Variants in TENM2 observed in about 807,000 individuals in gnomAD.
TENM2 encodes teneurin-2.
A neutral mutation model predicts 245.2 loss-of-function variants in TENM2; 52 were observed. That is an observed-to-expected ratio of 0.21 (90% CI 0.17 to 0.27). The LOEUF (loss-of-function observed/expected upper bound fraction) is 0.27. Among genes scored for constraint, TENM2 ranks in the 10% least tolerant of loss-of-function variants. The pLI, the probability that TENM2 is intolerant of heterozygous loss-of-function variation, is 1.00. For missense variants in TENM2, 3,046 were observed against 3,666.8 expected, an observed-to-expected ratio of 0.83 and a Z score of 4.37; for synonymous variants, 1,363 against 1,438.9, an observed-to-expected ratio of 0.95 and a Z score of 1.19.
intron 12 of TENM2, among the ~76,000 whole-genome samples, chr5:168,149,123 G>T (rs931787676): frequency 6.6e-6 from 1 of 152,104 alleles, no homozygotes; most frequent in Non-Finnish European, 1.5e-5. Flanking sequence ...GTCTGGAGTC[G>T]CTGTGTTAAG....
the TENM2 span, among the ~76,000 whole-genome samples, chr5:167,211,672 A>C: frequency 3.9e-5 from 6 of 152,162 alleles, no homozygotes; most frequent in Non-Finnish European, 5.9e-5. Context: ...GTGTTCCCCT[A>C]TATTTAGTAG....
At chr5:167,940,081 C>T (rs1266776609) in intron 3 of TENM2, among the ~76,000 whole-genome samples, 1 of 152,068 alleles carries the variant, frequency 6.6e-6, no homozygotes, top group Non-Finnish European at 1.5e-5. Flanking sequence ...CTACAGTTTG[C>T]ATGAGATAGA....
At chr5:167,021,864 C>T in the TENM2 span, among the ~76,000 whole-genome samples, 3 of 152,166 alleles carry the variant, frequency 2.0e-5, no homozygotes, top group Non-Finnish European at 4.4e-5. Flanking sequence ...TGCCTCAGTA[C>T]TCCATCTAGA....
At chr5:167,296,459 A>T (rs1339571100) in intron 1 of TENM2, 1 of 152,194 alleles carries the variant, frequency 6.6e-6, no homozygotes, top group South Asian at 2.1e-4. Context: ...TTTAGAGAGT[A>T]GTTCCAGCGA....
At chr5:167,254,757 C>CT in the TENM2 span, among the ~76,000 whole-genome samples, 8 of 151,996 alleles carry the variant, frequency 5.3e-5, no homozygotes, top group Admixed American at 6.6e-5. Flanking sequence ...CAGGGAAGGT[C>CT]TTTTTGTATA....
chr5:167,196,526 A>G, the TENM2 span, among the ~76,000 whole-genome samples: 9 of 138,164 alleles, frequency 6.5e-5, no homozygotes, highest in South Asian at 2.1e-4. Context: ...GTATATATAT[A>G]TGTGTGTGTA....
intron 3 of TENM2, chr5:167,938,638 G>A (rs547510489): frequency 1.2e-4 from 18 of 152,274 alleles, no homozygotes; most frequent in Admixed American, 1.0e-3. Flanking sequence ...ATTGCTGAAT[G>A]AAGGAACATG....
chr5:167,579,375 A>G (rs1002418596), intron 2 of TENM2, among the ~76,000 whole-genome samples: 1 of 152,194 alleles, frequency 6.6e-6, no homozygotes, highest in Non-Finnish European at 1.5e-5. Context: ...TCCATAACAT[A>G]CACATTTTTA....
the TENM2 span, among the ~76,000 whole-genome samples, chr5:167,122,365 A>C: frequency 6.6e-6 from 1 of 152,160 alleles, no homozygotes; most frequent in East Asian, 1.9e-4. Context: ...ACAGTAGCCA[A>C]GTTGCAGGCT....
the TENM2 span, among the ~76,000 whole-genome samples, chr5:167,170,740 C>G: frequency 1.3e-5 from 2 of 152,036 alleles, no homozygotes; most frequent in Non-Finnish European, 2.9e-5. Context: ...CTTTTGTTTC[C>G]AAACACTTCA....
chr5:167,277,197 A>G, the TENM2 span, among the ~76,000 whole-genome samples: 1 of 150,720 alleles, frequency 6.6e-6, no homozygotes, highest in Admixed American at 6.7e-5. Flanking sequence ...TTGAAATGGG[A>G]GCTTATATTA....
chr5:168,228,030 A>G lies in TENM2; in HGVS notation c.5420A>G (p.Asn1807Ser), dbSNP rs758602306. The change falls in exon 25 of 29, where the codon AAC becomes AGC. Residue 1807 changes from asparagine (N) to serine (S), a missense_variant. Physicochemically the swap from Asn to Ser is conservative, Grantham distance 46. This residue lies in a region of TENM2 where 2,704 missense variants were observed against 3,331.9 expected (regional missense o/e 0.81). Coordinates refer to ENST00000518659, the Ensembl canonical transcript of TENM2. Reference sequence around the variant, plus strand: ...ATCACCCCCACCATTGGACGCTGCAACATCTCCCTGCCTATGGAGAATGGC... The same window carrying G: ...ATCACCCCCACCATTGGACGCTGCAGCATCTCCCTGCCTATGGAGAATGGC... 6 of 1,613,920 alleles carry G rather than the reference A, an allele frequency of 3.7e-6. No homozygotes were observed. In the Admixed American group the frequency reaches 6.7e-5, roughly 18 times the overall value.
At chr5:167,809,612 A>G (rs756136837) in intron 2 of TENM2, among the ~76,000 whole-genome samples, 6 of 152,168 alleles carry the variant, frequency 3.9e-5, no homozygotes, top group Non-Finnish European at 8.8e-5. Flanking sequence ...TACTTAATAC[A>G]GATATGCCCC....
At chr5:167,670,523 A>G (rs978854371) in intron 2 of TENM2, among the ~76,000 whole-genome samples, 7 of 151,694 alleles carry the variant, frequency 4.6e-5, no homozygotes, top group African/African-American at 1.5e-4. Flanking sequence ...GCACTGAAAG[A>G]CCTGTATGAG....
intron 2 of TENM2, among the ~76,000 whole-genome samples, chr5:167,735,974 G>A (rs1413818409): frequency 2.0e-5 from 3 of 152,140 alleles, no homozygotes; most frequent in Non-Finnish European, 4.4e-5. Context: ...TTACACATTC[G>A]ATGAATGTTA....
At chr5:167,377,293 A>G (rs1760815815) in intron 2 of TENM2, among the ~76,000 whole-genome samples, 1 of 152,154 alleles carries the variant, frequency 6.6e-6, no homozygotes, top group Non-Finnish European at 1.5e-5. Flanking sequence ...GCATACTGAT[A>G]AGAAATAAAC....
intron 13 of TENM2, among the ~76,000 whole-genome samples, chr5:168,182,172 A>G (rs984672962): frequency 7.9e-5 from 12 of 152,200 alleles, no homozygotes; most frequent in African/African-American, 2.9e-4. Context: ...TGAAGAACTA[A>G]TCTCATATTG....
chr5:167,242,524 C>G, the TENM2 span, among the ~76,000 whole-genome samples: 1 of 152,102 alleles, frequency 6.6e-6, no homozygotes, highest in African/African-American at 2.4e-5. Context: ...CTCTGCTGCC[C>G]CTAAGACAAC....
At chr5:168,156,015 C>T (rs1318711105) in intron 12 of TENM2, among the ~76,000 whole-genome samples, 1 of 151,476 alleles carries the variant, frequency 6.6e-6, no homozygotes, top group East Asian at 1.9e-4. Context: ...CTTCTAGACC[C>T]TGAGAATATC....
Sources: gnomAD v4.1 joint callset for allele counts (sites outside exome capture counted in the v4.1 genomes callset) on GRCh38, gnomAD v4.1.1 for gene constraint, gnomAD v4.1.1 regional missense constraint, MANE v1.5 for transcripts, NCBI Gene and HGNC (gene_info 2026-07-23, HGNC 2026-07-21) for gene names.